Variants in SLC4A10 observed in about 807,000 individuals in gnomAD.
SLC4A10 encodes sodium-driven chloride bicarbonate exchanger.
Under a neutral mutation model 137.7 loss-of-function variants are expected in SLC4A10, and 42 were observed. The ratio of observed to expected loss-of-function variants is 0.30; its 90% CI spans 0.24 to 0.39. The LOEUF (loss-of-function observed/expected upper bound fraction) is 0.39. Ranked by LOEUF, SLC4A10 falls within the 10% of genes least tolerant of loss-of-function variation. The pLI is 1.00. For synonymous variants in SLC4A10, 474 were observed against 464.1 expected (o/e 1.02, Z -0.27); for missense variants, 925 against 1,355.0 (o/e 0.68, Z 4.98).
At chr2:161,977,664 T>G (rs1699597335) in intron 25 of SLC4A10, 58 bp from the exon 26 acceptor site, 10 of 1,473,968 alleles carry the variant, frequency 6.8e-6, no homozygotes, top group Non-Finnish European at 9.3e-6. Flanking sequence ...TTCCTTTATT[T>G]TCGTAACCTT....
At chr2:161,864,207 A>T (rs1365341917) in intron 6 of SLC4A10, among the ~76,000 whole-genome samples, 1 of 152,172 alleles carries the variant, frequency 6.6e-6, no homozygotes, top group Non-Finnish European at 1.5e-5. Flanking sequence ...GTCTCAAAAA[A>T]AAAAAGTTTC....
At chr2:161,767,649 C>G (rs2051061730) in intron 1 of SLC4A10, among the ~76,000 whole-genome samples, 1 of 151,916 alleles carries the variant, frequency 6.6e-6, no homozygotes, top group South Asian at 2.1e-4. Context: ...CCTTGGTCAT[C>G]TGAAATTAAA....
chr2:161,784,207 C>T (rs181162460), intron 2 of SLC4A10, among the ~76,000 whole-genome samples: 249 of 151,928 alleles, frequency 1.6e-3, no homozygotes, highest in African/African-American at 5.7e-3. Flanking sequence ...AGTAGTTATG[C>T]ACCCAACAAT....
chr2:161,957,300 T>G, intron 20 of SLC4A10, 60 bp downstream of exon 20: 1 of 1,527,340 alleles, frequency 6.5e-7, no homozygotes, highest in East Asian at 2.3e-5. Context: ...CATTTAAAAT[T>G]TTCATTTGAA....
chr2:161,976,827 A>C lies in SLC4A10; in HGVS notation c.3295A>C (p.Ile1099Leu). Reference sequence around the variant, plus strand: ...GACTGCCTTGTGGAGGAACCTTCTGATTACTGCCGATAACTCAAAAGATAA... The same window carrying C: ...GACTGCCTTGTGGAGGAACCTTCTGCTTACTGCCGATAACTCAAAAGATAA... ...SKTALWRNLLITADNSKDKES... is the reference protein window; with the variant it reads ...SKTALWRNLLLTADNSKDKES... The change falls in exon 25 of 27, where the codon ATT becomes CTT. Residue 1099 changes from isoleucine to leucine, a missense_variant. Transcript: ENST00000446997. 1 of 1,605,186 alleles carries C rather than the reference A, an allele frequency of 6.2e-7. No homozygotes were observed. The highest frequency in any genetic ancestry group is 8.5e-7 in the Non-Finnish European group (1 of 1,175,672).
intron 1 of SLC4A10, among the ~76,000 whole-genome samples, chr2:161,654,809 T>C (rs1431276848): frequency 6.6e-6 from 1 of 152,170 alleles, no homozygotes; most frequent in Non-Finnish European, 1.5e-5. Context: ...TCAGGGAGTG[T>C]GGTGCCTCCA....
chr2:161,728,095 C>T (rs2046417316), intron 1 of SLC4A10, among the ~76,000 whole-genome samples: 1 of 152,128 alleles, frequency 6.6e-6, no homozygotes, highest in Admixed American at 6.5e-5. Context: ...ACTCTCCAGA[C>T]ATTTTAGTAT....
intron 1 of SLC4A10, among the ~76,000 whole-genome samples, chr2:161,699,928 G>A (rs1247586967): frequency 1.3e-5 from 2 of 152,046 alleles, no homozygotes; most frequent in East Asian, 3.8e-4. Flanking sequence ...TTCAACAAAT[G>A]CTATGTAGAT....
chr2:161,835,385 C>A (rs1048409368), intron 3 of SLC4A10, among the ~76,000 whole-genome samples: 2 of 152,030 alleles, frequency 1.3e-5, no homozygotes, highest in African/African-American at 4.8e-5. Context: ...CCCTCCCTAT[C>A]CAAAATATAG....
chr2:161,945,907 G>A (rs996130480), intron 16 of SLC4A10, among the ~76,000 whole-genome samples: 4 of 151,872 alleles, frequency 2.6e-5, no homozygotes, highest in Non-Finnish European at 5.9e-5. Context: ...AATGACAAAA[G>A]ATGCTCACAA....
chr2:161,635,163 A>T (rs1007302704), intron 1 of SLC4A10, among the ~76,000 whole-genome samples: 2 of 151,936 alleles, frequency 1.3e-5, no homozygotes, highest in South Asian at 2.1e-4. Context: ...AGTGCCCTTT[A>T]TGTATTTTTT....
chr2:161,877,140 T>C (rs1204072517), intron 8 of SLC4A10, among the ~76,000 whole-genome samples: 1 of 152,164 alleles, frequency 6.6e-6, no homozygotes, highest in African/African-American at 2.4e-5. Flanking sequence ...AAATTTCATC[T>C]TTAAACAGTT....
At chr2:161,629,155 G>A (rs181791542) in intron 1 of SLC4A10, among the ~76,000 whole-genome samples, 8 of 151,944 alleles carry the variant, frequency 5.3e-5, no homozygotes, top group South Asian at 2.1e-4. Flanking sequence ...TATCACATAG[G>A]ACACATGACA....
chr2:161,749,704 A>T (rs538522543), intron 1 of SLC4A10, among the ~76,000 whole-genome samples: 1 of 151,992 alleles, frequency 6.6e-6, no homozygotes, highest in East Asian at 1.9e-4. Flanking sequence ...CATCCAAGAT[A>T]GTGGCCTGTA....
intron 2 of SLC4A10, among the ~76,000 whole-genome samples, chr2:161,802,384 C>A (rs557348823): frequency 6.6e-6 from 1 of 152,002 alleles, no homozygotes. Flanking sequence ...TAAATATTTT[C>A]TTTTTTGCGT....
At chr2:161,776,337 T>G (rs1346571534) in intron 2 of SLC4A10, among the ~76,000 whole-genome samples, 1 of 151,942 alleles carries the variant, frequency 6.6e-6, no homozygotes, top group Non-Finnish European at 1.5e-5. Context: ...AAATTGAAAC[T>G]TGCTATACAA....
Position 161,863,050 on chromosome 2 carries a change from A to G in SLC4A10, c.754A>G (p.Met252Val), listed in dbSNP as rs1248129326. The G allele has an allele frequency of 4.3e-6, 7 of 1,613,764 alleles. No homozygotes were observed. The highest frequency in any genetic ancestry group is 1.3e-5 in the African/African-American group (1 of 75,044). ...CAAGAAACAGTCAGAACCAAATTCCATGGACAAAAATGGTAAATGTTTATT... is the reference window on the plus strand; with the variant it reads ...CAAGAAACAGTCAGAACCAAATTCCGTGGACAAAAATGGTAAATGTTTATT... ...IGKKQSEPNS[M>V]DKNAGQVVSP... Residue 252 changes from methionine (M) to valine (V), a missense_variant, in exon 6 of 27, where the codon ATG (methionine) becomes GTG (valine). Met to Val is a conservative substitution (Grantham distance 21, BLOSUM62 1). Transcript: ENST00000446997.
intron 1 of SLC4A10, among the ~76,000 whole-genome samples, chr2:161,628,199 C>A (rs2032825778): frequency 6.6e-6 from 1 of 151,898 alleles, no homozygotes. Context: ...ATTATCAGGC[C>A]ATGGAAGAAG....
chr2:161,881,015 A>T (rs1355946475), intron 9 of SLC4A10, among the ~76,000 whole-genome samples: 1 of 152,052 alleles, frequency 6.6e-6, no homozygotes, highest in Non-Finnish European at 1.5e-5. Flanking sequence ...ACGGAGAAAA[A>T]AATTAGGGCC....
Sources: allele counts gnomAD v4.1 joint callset (sites outside exome capture counted in the v4.1 genomes callset), GRCh38; gene constraint gnomAD v4.1.1; transcripts MANE v1.5; gene names NCBI Gene and HGNC (gene_info 2026-07-23, HGNC 2026-07-21).